ORC3: variants seen among roughly 807,000 people sequenced by gnomAD.
ORC3 encodes the protein origin recognition complex subunit 3.
A neutral mutation model predicts 100.7 loss-of-function variants in ORC3; 78 were observed. The ratio of observed to expected loss-of-function variants is 0.77; its 90% confidence interval spans 0.65 to 0.94. The LOEUF (loss-of-function observed/expected upper bound fraction) is 0.94, where lower values mean the gene tolerates loss of function less well. ORC3 is among the 40% of genes least tolerant of loss of function. ORC3 has a pLI of 0.00. For synonymous variants in ORC3, 295 were observed against 289.3 expected (o/e 1.02, Z -0.20); for missense variants, 789 against 823.9 (o/e 0.96, Z 0.52).
rs747233679 is a variant in ORC3 at position 87,662,996 on chromosome 6, G to C, written c.1692-7G>C. ...TCTAAACATGGATGCCTGACTGGCT[G>C]TTTCAGAGAATACCTTCTGCCTCCT... On this transcript the variant is annotated splice_region_variant and splice_polypyrimidine_tract_variant and intron_variant, in intron 16 of 19. Coordinates refer to ENST00000392844, the MANE Select transcript of ORC3 (RefSeq NM_012381.4). 1 of 1,592,950 alleles carries C rather than the reference G, an allele frequency of 6.3e-7. No homozygotes were observed. Among genetic ancestry groups the C allele is most frequent in the Admixed American group, 1.7e-5 (1 of 59,812 alleles).
intron 16 of ORC3, among the ~76,000 whole-genome samples, chr6:87,658,496 A>G (rs1316960503): frequency 1.3e-5 from 2 of 151,802 alleles, no homozygotes; most frequent in Non-Finnish European, 2.9e-5. Context: ...TTCTTTTTCC[A>G]TCATTATCAA....
At chr6:87,618,538 G>A (rs1212206006) in intron 9 of ORC3, among the ~76,000 whole-genome samples, 6 of 152,176 alleles carry the variant, frequency 3.9e-5, no homozygotes, top group Admixed American at 3.9e-4. Flanking sequence ...GGGTTCCATA[G>A]GAAAACAGAA....
intron 8 of ORC3, among the ~76,000 whole-genome samples, chr6:87,613,187 C>T (rs1778905103): frequency 6.6e-6 from 1 of 152,138 alleles, no homozygotes; most frequent in East Asian, 1.9e-4. Flanking sequence ...GGAGGCCTCA[C>T]AATCATGGTG....
At chr6:87,609,437 A>T (rs941793717) in intron 7 of ORC3, 6 of 446,248 alleles carry the variant, frequency 1.3e-5, no homozygotes, top group Non-Finnish European at 2.4e-5. Flanking sequence ...ACATTTAGCC[A>T]GTTTTAAATT....
chr6:87,657,836 C>A, intron 15 of ORC3, 85 bp from the exon 16 acceptor site: 1 of 674,968 alleles, frequency 1.5e-6, no homozygotes. Context: ...GCATCAGGTG[C>A]TTCTATAGAA....
chr6:87,656,148 A>C (rs955778933), intron 14 of ORC3, among the ~76,000 whole-genome samples: 1 of 152,208 alleles, frequency 6.6e-6, no homozygotes, highest in East Asian at 1.9e-4. Context: ...ACCATGATGC[A>C]CTTTATGTTT....
chr6:87,629,715 C>T (rs1230877344), intron 11 of ORC3, among the ~76,000 whole-genome samples: 1 of 152,128 alleles, frequency 6.6e-6, no homozygotes, highest in Non-Finnish European at 1.5e-5. Context: ...AACCCTACCC[C>T]TTTTGAAGTC....
intron 4 of ORC3, 111 bp from the exon 5 acceptor site, chr6:87,605,806 T>C: frequency 1.6e-6 from 1 of 617,908 alleles, no homozygotes; most frequent in Non-Finnish European, 2.9e-6. Context: ...GTTTCTGTTA[T>C]TAATCATTTT....
chr6:87,652,766 A>G (rs1769377975), intron 13 of ORC3, among the ~76,000 whole-genome samples: 1 of 152,238 alleles, frequency 6.6e-6, no homozygotes, highest in Non-Finnish European at 1.5e-5. Context: ...TTAAGTCTCC[A>G]TCTAACCTGT....
chr6:87,639,473 C>T (rs188502516), intron 13 of ORC3, among the ~76,000 whole-genome samples: 307 of 152,198 alleles, frequency 2.0e-3, no homozygotes, highest in African/African-American at 7.1e-3. Flanking sequence ...TTGCATTCCT[C>T]CCCCCAATTT....
chr6:87,623,357 T>A (rs372714528), intron 11 of ORC3, among the ~76,000 whole-genome samples: 2 of 152,322 alleles, frequency 1.3e-5, no homozygotes, highest in East Asian at 1.9e-4. Context: ...CCATGCAGGT[T>A]GTTTTGCTGG....
rs550195141 is a variant in ORC3, at chr6:87,649,661, G to A, written c.1383-3455G>A. On this transcript the variant is annotated intron_variant, in intron 13 of 19. Coordinates refer to ENST00000392844, the MANE Select transcript of ORC3 (RefSeq NM_012381.4). ...CTCAGGAGGCTGAGACAGGAGAATC[G>A]CCTGAACCCAGGAGGCAGAGGTTGC... is the stretch of plus-strand genomic sequence containing the variant. Among the ~76,000 whole-genome samples, 187 of 152,232 alleles carry A rather than the reference G, an allele frequency of 1.2e-3. 2 individuals are homozygous for A. The highest frequency in any genetic ancestry group is 4.1e-3 in the African/African-American group (172 of 41,528).
chr6:87,603,879 G>A (rs1455157522), intron 4 of ORC3, among the ~76,000 whole-genome samples: 1 of 152,094 alleles, frequency 6.6e-6, no homozygotes, highest in East Asian at 1.9e-4. Flanking sequence ...TAGTAGATTT[G>A]GTTTTCATAC....
intron 16 of ORC3, among the ~76,000 whole-genome samples, chr6:87,658,451 C>T (rs1384959260): frequency 4.7e-5 from 6 of 127,516 alleles, no homozygotes; most frequent in Non-Finnish European, 8.4e-5. Context: ...TGCAAGACTC[C>T]GTCTCAAAAA....
chr6:87,638,574 A>G (rs1767994475), intron 13 of ORC3, among the ~76,000 whole-genome samples: 1 of 152,220 alleles, frequency 6.6e-6, no homozygotes, highest in Non-Finnish European at 1.5e-5. Flanking sequence ...CTTTTTACAG[A>G]TTGAGCATCT....
At chr6:87,659,087 G>A (rs1463233502) in intron 16 of ORC3, among the ~76,000 whole-genome samples, 17 of 137,738 alleles carry the variant, frequency 1.2e-4, no homozygotes, top group African/African-American at 2.8e-4. Context: ...TTTTTGAGAC[G>A]GAGTCTCACT....
In ORC3 at chr6:87,653,163, A is replaced by C; in HGVS notation, c.1430A>C (p.Lys477Thr). ...ATGACCATACTTGAGAAATGTTTCA[A>C]GGTTTTTAAGTCTTATTGTGAAAAC... is the stretch of plus-strand genomic sequence containing the variant. Reference protein sequence around the residue: ...ELMTILEKCFKVFKSYCENHL... With the variant: ...ELMTILEKCFTVFKSYCENHL... Residue 477 changes from lysine to threonine, a missense_variant, in exon 14 of 20, where the codon AAG becomes ACG. Physicochemically the swap from Lys to Thr is moderately conservative, Grantham distance 78 (BLOSUM62 -1). Coordinates refer to ENST00000392844, the MANE Select transcript of ORC3 (RefSeq NM_012381.4). The C allele has an allele frequency of 6.2e-7, 1 of 1,613,580 alleles. No individual in the cohort carries two copies. The highest frequency in any genetic ancestry group is 8.5e-7 in the Non-Finnish European group (1 of 1,179,510).
chr6:87,668,573 T>C (rs142030678), downstream of ORC3, among the ~76,000 whole-genome samples: 38 of 152,256 alleles, frequency 2.5e-4, no homozygotes, highest in African/African-American at 8.7e-4. Flanking sequence ...AAAGGAGGTA[T>C]TAATATGAGC....
intron 2 of ORC3, among the ~76,000 whole-genome samples, chr6:87,597,710 C>CACACATAT (rs1554234483): frequency 1.9e-4 from 27 of 140,696 alleles, no homozygotes; most frequent in African/African-American, 6.8e-4. Context: ...CACACACACA[C>CACACATAT]ATATATATAT....
Sources: allele counts gnomAD v4.1 joint callset (sites outside exome capture counted in the v4.1 genomes callset), GRCh38; gene constraint gnomAD v4.1.1; transcripts MANE v1.5; gene names NCBI Gene and HGNC (gene_info 2026-07-23, HGNC 2026-07-21).